The following MALRD1 variants were observed in gnomAD, a reference collection of about 807,000 sequenced individuals.
MALRD1 encodes the protein MAM and LDL-receptor class A domain-containing protein 1.
A neutral mutation model predicts 242.1 loss-of-function variants in MALRD1; 247 were observed. The ratio of observed to expected loss-of-function variants is 1.02; its 90% CI spans 0.92 to 1.13. MALRD1 has a LOEUF of 1.13. Among genes scored for constraint, MALRD1 ranks in the 50% most tolerant of loss-of-function variants. The probability of loss-of-function intolerance (pLI) is 0.00; values close to 1 mark genes in which losing one functional copy is unlikely to be tolerated. For missense variants in MALRD1, 2,989 were observed against 2,533.1 expected (o/e 1.18, Z -3.86); for synonymous variants, 995 against 866.6 (o/e 1.15, Z -2.60).
intron 36 of MALRD1, among the ~76,000 whole-genome samples, chr10:19,646,370 G>A (rs1043238748): frequency 1.3e-5 from 2 of 152,192 alleles, no homozygotes; most frequent in Non-Finnish European, 2.9e-5. Context: ...TCGGGAGGCC[G>A]AGGGGGGCAG....
intron 1 of MALRD1, chr10:19,051,517 T>TG (rs1834494509): frequency 5.2e-6 from 1 of 193,750 alleles, no homozygotes; most frequent in Non-Finnish European, 1.1e-5. Context: ...TGGAAAAACT[T>TG]GAAGGCCAGA....
chr10:19,364,924 A>G (rs1286311842), intron 26 of MALRD1, among the ~76,000 whole-genome samples: 13 of 152,110 alleles, frequency 8.5e-5, no homozygotes, highest in African/African-American at 3.1e-4. Flanking sequence ...TGGAAAGAAT[A>G]TTGGGGATTA....
intron 32 of MALRD1, among the ~76,000 whole-genome samples, chr10:19,539,912 GCGCACACA>G (rs71388848): frequency 0.38 from 44,085 of 114,590 alleles, 9,555 homozygotes; most frequent in East Asian, 0.53. Context: ...GCGCGCGTGC[GCGCACACA>G]CGCGCAGTGA....
At chr10:19,684,416 C>T (rs1004204848) in intron 36 of MALRD1, among the ~76,000 whole-genome samples, 7 of 152,088 alleles carry the variant, frequency 4.6e-5, no homozygotes, top group Admixed American at 2.6e-4. Context: ...AAATGGAGAG[C>T]GACACCATCA....
At chr10:19,653,866 A>T (rs1298742231) in intron 36 of MALRD1, among the ~76,000 whole-genome samples, 1 of 152,114 alleles carries the variant, frequency 6.6e-6, no homozygotes, top group Non-Finnish European at 1.5e-5. Flanking sequence ...TGAGACTATG[A>T]TGGAGAGCTA....
chr10:19,460,508 T>C (rs1443820022), intron 29 of MALRD1, among the ~76,000 whole-genome samples: 1 of 151,906 alleles, frequency 6.6e-6, no homozygotes, highest in Admixed American at 6.6e-5. Flanking sequence ...TTTTGAATAA[T>C]ATGAAAAGAA....
At chr10:19,564,728 T>G (rs1174349992) in intron 32 of MALRD1, among the ~76,000 whole-genome samples, 1 of 152,118 alleles carries the variant, frequency 6.6e-6, no homozygotes, top group East Asian at 1.9e-4. Flanking sequence ...ACAAATGACA[T>G]TAGAATTAAT....
intron 10 of MALRD1, among the ~76,000 whole-genome samples, chr10:19,137,361 T>G (rs2131415253): frequency 6.6e-6 from 1 of 151,966 alleles, no homozygotes; most frequent in African/African-American, 2.4e-5. Context: ...ATCCCAGCAC[T>G]TTGGGAGGCT....
chr10:19,052,178 G>T (rs1834527868), intron 1 of MALRD1: 2 of 388,422 alleles, frequency 5.1e-6, no homozygotes, highest in East Asian at 7.1e-5. Flanking sequence ...AAAATAAACA[G>T]TATTACAGCA....
rs1381321138 is a variant in MALRD1 at position 19,622,759 on chromosome 10, A to T, written c.6137+6836A>T. On this transcript the variant is annotated intron_variant, in intron 36 of 39. Coordinates refer to ENST00000454679, the MANE Select transcript of MALRD1 (RefSeq NM_001142308.3). ...TACTGAACCTACCAATATCAATAGA[A>T]TAAAGCTCTTATTATTAAACTGTAT... Among the ~76,000 whole-genome samples, 3 of 151,974 alleles carry T rather than the reference A, an allele frequency of 2.0e-5. No homozygotes were observed. The East Asian group carries it at 5.8e-4, about 29-fold the overall frequency.
intron 21 of MALRD1, among the ~76,000 whole-genome samples, chr10:19,305,951 T>C (rs1308005023): frequency 7.8e-6 from 1 of 128,602 alleles, no homozygotes; most frequent in Non-Finnish European, 1.6e-5. Context: ...ATACTATATA[T>C]TATATATACT....
intron 14 of MALRD1, among the ~76,000 whole-genome samples, chr10:19,202,609 C>T (rs1048112330): frequency 6.6e-6 from 1 of 151,712 alleles, no homozygotes; most frequent in Non-Finnish European, 1.5e-5. Flanking sequence ...TGTTTACTTC[C>T]TAATTTATTT....
intron 22 of MALRD1, among the ~76,000 whole-genome samples, chr10:19,325,413 ATT>A (rs34524649): frequency 0.032 from 4,700 of 144,690 alleles, 187 homozygotes; most frequent in African/African-American, 0.098. Flanking sequence ...AAAGTCCTGT[ATT>A]TTTTTTTTTT....
intron 38 of MALRD1, among the ~76,000 whole-genome samples, chr10:19,724,546 G>C (rs1364732636): frequency 6.6e-6 from 1 of 152,064 alleles, no homozygotes. Context: ...CCAGATAAAG[G>C]TTTATTCACT....
intron 11 of MALRD1, 28 bp from the exon 12 acceptor site, chr10:19,155,047 C>G: frequency 8.4e-7 from 1 of 1,194,324 alleles, no homozygotes; most frequent in Non-Finnish European, 1.0e-6. Flanking sequence ...GAACTTGCAT[C>G]CCTATGACTT....
intron 14 of MALRD1, among the ~76,000 whole-genome samples, chr10:19,180,711 A>G (rs761976414): frequency 6.6e-6 from 1 of 152,224 alleles, no homozygotes; most frequent in Non-Finnish European, 1.5e-5. Flanking sequence ...AAGCAGAAAT[A>G]AATAATGGGA....
At chr10:19,553,205 A>C in intron 32 of MALRD1, among the ~76,000 whole-genome samples, 1 of 152,130 alleles carries the variant, frequency 6.6e-6, no homozygotes, top group East Asian at 1.9e-4. Flanking sequence ...ATAACTAAAA[A>C]AATAAACAAT....
At chr10:19,117,897 G>A (rs1836927432) in intron 5 of MALRD1, among the ~76,000 whole-genome samples, 1 of 152,176 alleles carries the variant, frequency 6.6e-6, no homozygotes, top group Non-Finnish European at 1.5e-5. Flanking sequence ...TATACATTGA[G>A]CACCTATTAT....
At chr10:19,154,369 T>G (rs1300756813) in intron 11 of MALRD1, among the ~76,000 whole-genome samples, 1 of 152,100 alleles carries the variant, frequency 6.6e-6, no homozygotes, top group Non-Finnish European at 1.5e-5. Context: ...AAATAGTTGG[T>G]TTTCCAAATT....
Sources: gnomAD v4.1 joint callset for allele counts (sites outside exome capture counted in the v4.1 genomes callset) on GRCh38, gnomAD v4.1.1 for gene constraint, MANE v1.5 for transcripts, NCBI Gene and HGNC (gene_info 2026-07-23, HGNC 2026-07-21) for gene names.